The following DNM2 variants were observed in gnomAD, a reference collection of about 807,000 sequenced individuals.
DNM2 encodes the protein dynamin 2.
Under a neutral mutation model 99.0 loss-of-function variants are expected in DNM2, and 15 were observed. The observed-to-expected ratio is 0.15, with a 90% CI of 0.10 to 0.23. The LOEUF is 0.23. Ranked by LOEUF, DNM2 falls within the 10% of genes least tolerant of loss-of-function variation. DNM2 has a pLI of 1.00. For synonymous variants in DNM2, 525 were observed against 481.2 expected, an observed-to-expected ratio of 1.09 and a Z score of -1.19; for missense variants, 742 against 1,189.4, an observed-to-expected ratio of 0.62 and a Z score of 5.53.
intron 1 of DNM2, among the ~76,000 whole-genome samples, chr19:10,723,093 G>A (rs1046450871): frequency 6.7e-6 from 1 of 149,800 alleles, no homozygotes; most frequent in Non-Finnish European, 1.5e-5. Flanking sequence ...AGCCTCCCGA[G>A]TAGCTGGGAC....
chr19:10,829,448 C>T (rs1048789994), intron 19 of DNM2, among the ~76,000 whole-genome samples, 180 bp downstream of exon 19: 37 of 152,202 alleles, frequency 2.4e-4, no homozygotes, highest in East Asian at 3.9e-4. Context: ...GGTATGGGGG[C>T]GAGCCAGCCC....
At position 10,831,398 on chromosome 19, in the gene DNM2, A is replaced by ATCCAT; in HGVS notation, c.*351_*352insTCCAT. 9.4e-7 allele frequency: 1 copy of ATCCAT among 1,063,026 alleles called. No homozygotes were observed. The highest frequency in any genetic ancestry group is 1.1e-6 in the Non-Finnish European group (1 of 880,088). 65.8% of individuals were successfully genotyped at this position (1,063,026 alleles called of 1,614,324 possible). A position where few individuals can be genotyped will look rare whatever the true frequency, so the allele number is the denominator to read the frequency against. On this transcript the variant is annotated 3_prime_UTR_variant, in exon 21 of 21. Transcript: ENST00000389253. The surrounding 1 kb of genome is among the most constrained non-coding windows in gnomAD (Gnocchi z 4.3). Reference sequence around the variant, plus strand: ...CTTCTTGGGCTGGGAAAGCCCATGTAGGGCAGGCCTTCTATAAGTGCGGGC... The same window carrying ATCCAT: ...CTTCTTGGGCTGGGAAAGCCCATGTATCCATGGGCAGGCCTTCTATAAGTGCGGGC...
intron 13 of DNM2, among the ~76,000 whole-genome samples, chr19:10,807,680 C>T (rs557709740): frequency 6.8e-6 from 1 of 147,464 alleles, no homozygotes; most frequent in East Asian, 2.1e-4. Context: ...TTCTGAGTAG[C>T]GACGATTACA....
Position 10,807,180 on chromosome 19 carries a change from C to G in DNM2, c.1545+1213C>G, listed in dbSNP as rs571929230. Among the ~76,000 whole-genome samples the G allele has an allele frequency of 1.4e-3, 220 of 152,248 alleles. 6 individuals are homozygous for G. In the South Asian group the frequency reaches 0.044, roughly 30 times the overall value. ...CTCTGCCTCCCAGGTTCAAGCGATT[C>G]TCCTGGTTCAGCCTCCTCAGTAGCT... On this transcript the variant is annotated intron_variant, in intron 13 of 20. Coordinates refer to ENST00000389253, the MANE Select transcript of DNM2 (RefSeq NM_001005361.3).
chr19:10,727,921 AGC>A (rs2069166772), intron 1 of DNM2, among the ~76,000 whole-genome samples: 1 of 152,222 alleles, frequency 6.6e-6, no homozygotes, highest in Non-Finnish European at 1.5e-5. Context: ...ATTGTGTTAA[AGC>A]TTTGGAAAAA....
intron 1 of DNM2, among the ~76,000 whole-genome samples, chr19:10,723,559 C>T (rs548034241): frequency 1.3e-5 from 2 of 152,268 alleles, no homozygotes; most frequent in African/African-American, 2.4e-5. Context: ...TAAGCCACCG[C>T]GCCCAGCCCC....
chr19:10,797,562 C>T, intron 10 of DNM2, 44 bp downstream of exon 10: 1 of 1,613,258 alleles, frequency 6.2e-7, no homozygotes, highest in African/African-American at 1.3e-5. Context: ...CCCGTCCTCC[C>T]CCTCCATGTG....
At chr19:10,774,369 A>C (rs1185652981) in intron 3 of DNM2, among the ~76,000 whole-genome samples, 1 of 152,210 alleles carries the variant, frequency 6.6e-6, no homozygotes, top group Non-Finnish European at 1.5e-5. Context: ...GTATCTATGT[A>C]TATGTTGTGT....
At chr19:10,779,532 A>G (rs2071284409) in intron 5 of DNM2, among the ~76,000 whole-genome samples, 1 of 18,930 alleles carries the variant, frequency 5.3e-5, no homozygotes. Context: ...TTTTTTGACG[A>G]TGTCTTATTC....
chr19:10,758,529 C>G (rs1392268023), intron 1 of DNM2, among the ~76,000 whole-genome samples: 1 of 123,332 alleles, frequency 8.1e-6, no homozygotes, highest in East Asian at 2.5e-4. Flanking sequence ...CCTCCCTTCC[C>G]TCCCCTCCCT....
intron 2 of DNM2, among the ~76,000 whole-genome samples, chr19:10,767,208 A>G (rs1433924888): frequency 5.5e-5 from 8 of 144,838 alleles, no homozygotes; most frequent in Non-Finnish European, 1.2e-4. Flanking sequence ...TCTTTGGGCC[A>G]GTGGATTGTT....
intron 16 of DNM2, among the ~76,000 whole-genome samples, chr19:10,822,674 A>T (rs928201936): frequency 6.6e-6 from 1 of 150,720 alleles, no homozygotes; most frequent in Admixed American, 6.6e-5. Context: ...AATTTTTTGT[A>T]TTTTAGTATT....
rs924445169 is a variant in DNM2 at position 10,812,077 on chromosome 19, C to T, written c.1558-187C>T. ...TCTGTCCGCCCACCTGCCCAGGTGG[C>T]GCCTCATGTTGGTTTCCTGCTGGAA... On this transcript the variant is annotated intron_variant, in intron 14 of 20. Transcript: ENST00000389253. This position sits in a 1 kb window ranked among gnomAD's most constrained non-coding sequence, Gnocchi z 4.0. 3.4e-5 allele frequency: 19 copies of T among 565,428 alleles called. No homozygotes were observed. The highest frequency in any genetic ancestry group is 1.5e-4 in the African/African-American group (8 of 53,304). The allele number at this position is 565,428 out of a possible 1,614,324, so 35.0% of individuals were successfully genotyped here. A position where few individuals can be genotyped will look rare whatever the true frequency, so the allele number is the denominator to read the frequency against.
Position 10,718,344 on chromosome 19 carries a change from C to A in DNM2, c.102C>A (p.Ile34=), listed in dbSNP as rs552741402. ...GQSCHLDLPQ[I]AVVGGQSAGK... ...GCTGCCACCTGGACCTGCCGCAGAT[C>A]GCTGTAGTGGGCGGCCAGAGCGCCG... The change falls in exon 1 of 21, where the codon ATC becomes ATA. Residue 34 remains isoleucine, a synonymous_variant. Coordinates refer to ENST00000389253, the MANE Select transcript of DNM2 (RefSeq NM_001005361.3). 85 of 1,523,932 alleles carry A rather than the reference C, an allele frequency of 5.6e-5. No individual in the cohort carries two copies. The highest frequency in any genetic ancestry group is 7.4e-5 in the Non-Finnish European group (84 of 1,138,180). 94.4% of individuals were successfully genotyped at this position (1,523,932 alleles called of 1,614,324 possible).
In DNM2 at chr19:10,796,534, C is replaced by T. The variant is rs938590338; in HGVS notation, c.1197-846C>T. ...CTGGGAAGCAGAGAGGGACCCCCCG[C>T]GTCAACTGCTGGAGGCTGAGCTCCT... is the stretch of plus-strand genomic sequence containing the variant. On this transcript the variant is annotated intron_variant, in intron 9 of 20. Transcript: ENST00000389253. The surrounding 1 kb of genome is among the most constrained non-coding windows in gnomAD (Gnocchi z 5.6). Among the ~76,000 whole-genome samples the T allele has an allele frequency of 5.3e-5, 8 of 152,138 alleles. No homozygotes were observed. The highest frequency in any genetic ancestry group is 4.1e-4 in the South Asian group (2 of 4,828).
chr19:10,718,649 G>A (rs1438473373), intron 1 of DNM2: 2 of 404,562 alleles, frequency 4.9e-6, no homozygotes, highest in Non-Finnish European at 7.9e-6. Context: ...GACAGGAGGT[G>A]CGCTGGAACC....
rs760256199 is a variant in DNM2, at chr19:10,798,546, G to A, written c.1396G>A (p.Glu466Lys). ...GCGAATCGTCACCACTTACATCCGGGAACGGGAGGGGAGAACGAAGGACCA... is the reference window on the plus strand; with the variant it reads ...GCGAATCGTCACCACTTACATCCGGAAACGGGAGGGGAGAACGAAGGACCA... Reference protein sequence around the residue: ...TERIVTTYIREREGRTKDQIL... With the variant: ...TERIVTTYIRKREGRTKDQIL... Residue 466 changes from glutamate to lysine, a missense_variant, in exon 11 of 21, where the codon GAA becomes AAA. Around this residue, in one of 7 missense-constraint regions of DNM2, gnomAD observed 240 missense variants for 431.3 expected, o/e 0.56. Coordinates refer to ENST00000389253, the MANE Select transcript of DNM2 (RefSeq NM_001005361.3). 1.2e-6 allele frequency: 2 copies of A among 1,614,214 alleles called. No individual in the cohort carries two copies. The highest frequency in any genetic ancestry group is 1.7e-5 in the Admixed American group (1 of 60,030).
rs1363950722 is a variant in DNM2, at chr19:10,772,644, G to T, written c.385+16G>T. 4.3e-6 allele frequency: 7 copies of T among 1,613,920 alleles called. No homozygotes were observed. The highest frequency in any genetic ancestry group is 5.9e-6 in the Non-Finnish European group (7 of 1,180,006). ...TCGCCACACGGTAGGCAGCACGGGT[G>T]GGGACCCATCACTGACCGTTTCTGG... On this transcript the variant is annotated intron_variant, in intron 3 of 20. Coordinates refer to ENST00000389253, the MANE Select transcript of DNM2 (RefSeq NM_001005361.3). This position sits in a 1 kb window ranked among gnomAD's most constrained non-coding sequence, Gnocchi z 4.9.
At chr19:10,770,049 G>A (rs942021641) in intron 2 of DNM2, among the ~76,000 whole-genome samples, 2 of 152,224 alleles carry the variant, frequency 1.3e-5, no homozygotes, top group South Asian at 2.1e-4. Flanking sequence ...TTTGAAATGG[G>A]GATCTTAGAG....
Sources: allele counts gnomAD v4.1 joint callset (sites outside exome capture counted in the v4.1 genomes callset), GRCh38; gene constraint gnomAD v4.1.1; regional missense constraint gnomAD v4.1.1; non-coding constraint Gnocchi (gnomAD v3.1); transcripts MANE v1.5; gene names NCBI Gene and HGNC (gene_info 2026-07-23, HGNC 2026-07-21).